Variants in CCDC110 observed in about 807,000 individuals in gnomAD.
CCDC110 encodes the protein coiled-coil domain-containing protein 110.
Under a neutral mutation model 77.1 loss-of-function variants are expected in CCDC110, and 70 were observed. The observed-to-expected ratio is 0.91, with a 90% CI of 0.75 to 1.11. The LOEUF is 1.11. Among genes scored for constraint, CCDC110 ranks in the 50% least tolerant of loss-of-function variants. The pLI is 0.00. For synonymous variants in CCDC110, 295 were observed against 312.5 expected (o/e 0.94, Z 0.59); for missense variants, 868 against 942.9 (o/e 0.92, Z 1.04).
rs2095640298 is a variant in CCDC110, at chr4:185,458,741, G to GAGATAAT, written c.1845_1846insATTATCT (p.Leu616IlefsTer25). 6.2e-7 allele frequency: 1 copy of GAGATAAT among 1,607,884 alleles called. No homozygotes were observed. Among genetic ancestry groups the GAGATAAT allele is most frequent in the African/African-American group, 1.3e-5 (1 of 74,440 alleles). The stretch of plus-strand genomic sequence containing the variant: ...TTTGCCAATCTTTCTTTCTCTTTTA[G>GAGATAAT]CTGGATTATCTCTAGCTGGCTTTCT... On this transcript the variant is annotated frameshift_variant, in exon 6 of 7. Coordinates refer to ENST00000307588, the MANE Select transcript of CCDC110 (RefSeq NM_152775.4). LOFTEE classifies it high-confidence loss of function.
chr4:185,448,774 T>G (rs961223663), intron 6 of CCDC110, among the ~76,000 whole-genome samples: 11 of 152,138 alleles, frequency 7.2e-5, no homozygotes, highest in Admixed American at 2.6e-4. Flanking sequence ...AGATGGAACT[T>G]TGTGTGTGGG....
At position 185,458,850 on chromosome 4, in the gene CCDC110, C is replaced by T; in HGVS notation, c.1737G>A (p.Leu579=). 6.2e-7 allele frequency: 1 copy of T among 1,605,774 alleles called. No homozygotes were observed. The highest frequency in any genetic ancestry group is 8.5e-7 in the Non-Finnish European group (1 of 1,178,090). The change falls in exon 6 of 7, where the codon CTG becomes CTA. Residue 579 remains leucine, a synonymous_variant. Coordinates refer to ENST00000307588, the MANE Select transcript of CCDC110 (RefSeq NM_152775.4). ...IEMEAMKTNI[L]LIQDEKEMLE... Reference sequence around the variant, plus strand: ...ACATTTCTTTTTCATCTTGTATCAACAGAATATTGGTTTTCATTGCTTCCA... The same window carrying T: ...ACATTTCTTTTTCATCTTGTATCAATAGAATATTGGTTTTCATTGCTTCCA...
At chr4:185,466,714 T>G (rs1001730974) in intron 2 of CCDC110, among the ~76,000 whole-genome samples, 5 of 151,796 alleles carry the variant, frequency 3.3e-5, no homozygotes, top group African/African-American at 1.2e-4. Flanking sequence ...GGACCACAGG[T>G]GTGTGCCACC....
chr4:185,450,107 A>G (rs889772063), intron 6 of CCDC110, among the ~76,000 whole-genome samples: 1 of 152,210 alleles, frequency 6.6e-6, no homozygotes, highest in African/African-American at 2.4e-5. Context: ...TGTTAGATCC[A>G]TTTATATTAT....
At position 185,458,065 on chromosome 4, in the gene CCDC110, G is replaced by C. The variant is rs1288580160; in HGVS notation, c.2461+61C>G. The C allele has an allele frequency of 4.3e-6, 5 of 1,153,244 alleles. No individual in the cohort carries two copies. The African/African-American group carries it at 4.8e-5, about 11-fold the overall frequency. The allele number at this position is 1,153,244 out of a possible 1,614,324, so 71.4% of individuals were successfully genotyped here. On this transcript the variant is annotated intron_variant, in intron 6 of 6. Transcript: ENST00000307588. ...TTCCTCCTTATTTCTGTACTCTGTAGTGCCCAATAGGCTAAAAGAATCTTA... is the reference window on the plus strand; with the variant it reads ...TTCCTCCTTATTTCTGTACTCTGTACTGCCCAATAGGCTAAAAGAATCTTA...
intron 1 of CCDC110, 200 bp downstream of exon 1, chr4:185,471,474 G>A: frequency 1.9e-6 from 1 of 538,644 alleles, no homozygotes; most frequent in Admixed American, 4.3e-5. Flanking sequence ...AGACCACGTA[G>A]CCAGCCTGTA....
At position 185,458,240 on chromosome 4, in the gene CCDC110, T is replaced by C. The variant is rs747232983; in HGVS notation, c.2347A>G (p.Asn783Asp). Residue 783 changes from asparagine to aspartate, a missense_variant, in exon 6 of 7, where the codon AAT becomes GAT. Asn to Asp is a conservative substitution (Grantham distance 23). Coordinates refer to ENST00000307588, the MANE Select transcript of CCDC110 (RefSeq NM_152775.4). ...ATGTAAGTTGTTTTTGAAGGGTCAT[T>C]ATGCTGATTACAAATTTTATCACTT... ...SLSDKICNQH[N>D]DPSKTTYISR... 6.2e-7 allele frequency: 1 copy of C among 1,602,770 alleles called. No individual in the cohort carries two copies. Among genetic ancestry groups the C allele is most frequent in the Admixed American group, 1.8e-5 (1 of 56,544 alleles).
chr4:185,458,883 A>G lies in CCDC110; in HGVS notation c.1704T>C (p.Ser568=), dbSNP rs764313212. The change falls in exon 6 of 7, where the codon AGT becomes AGC. Residue 568 remains serine, a synonymous_variant. Transcript: ENST00000307588. ...AIVNNENNRM[S]IEMEAMKTNI... ...TGGTTTTCATTGCTTCCATTTCTAT[A>G]CTCATTCGATTATTTTCATTATTTA... 1.2e-6 allele frequency: 2 copies of G among 1,605,432 alleles called. No homozygotes were observed. The highest frequency in any genetic ancestry group is 1.7e-6 in the Non-Finnish European group (2 of 1,178,098).
At chr4:185,467,437 C>T (rs1208134480) in intron 2 of CCDC110, among the ~76,000 whole-genome samples, 3 of 152,040 alleles carry the variant, frequency 2.0e-5, no homozygotes, top group African/African-American at 4.8e-5. Flanking sequence ...TCAAAGAACC[C>T]AGGAGATAAA....
At position 185,459,728 on chromosome 4, in the gene CCDC110, G is replaced by A; in HGVS notation, c.859C>T (p.His287Tyr). 1 of 1,613,562 alleles carries A rather than the reference G, an allele frequency of 6.2e-7. No homozygotes were observed. Among genetic ancestry groups the A allele is most frequent in the African/African-American group, 1.3e-5 (1 of 75,032 alleles). The change falls in exon 6 of 7, where the codon CAC becomes TAC. Residue 287 changes from histidine (H) to tyrosine (Y), a missense_variant. His to Tyr is a moderately conservative substitution (Grantham distance 83, BLOSUM62 2). Transcript: ENST00000307588. ...RNGKYDMSPI[H>Y]QDKMNFIKEE... ...TTAATAAAGTTCATTTTATCCTGGT[G>A]AATAGGGGACATGTCATATTTACCA... is the stretch of plus-strand genomic sequence containing the variant.
Position 185,458,807 on chromosome 4 carries a change from G to A in CCDC110, c.1780C>T (p.Gln594Ter), listed in dbSNP as rs768425457. ...EKEMLEKKTH[Q>*]LLKEKSSLGN... ...AGTGAGCTTTTTTCTTTTAGAAGCT[G>A]GTGTGTTTTTTTCTCTAACATTTCT... Residue 594 changes from glutamine to a stop codon, truncating the protein, a stop_gained, in exon 6 of 7, where the codon CAG becomes TAG. Transcript: ENST00000307588. LOFTEE classifies it high-confidence loss of function. The A allele has an allele frequency of 3.7e-6, 6 of 1,608,890 alleles. No individual in the cohort carries two copies. The highest frequency in any genetic ancestry group is 5.1e-6 in the Non-Finnish European group (6 of 1,178,706).
At chr4:185,467,243 C>T (rs1240654709) in intron 2 of CCDC110, among the ~76,000 whole-genome samples, 3 of 152,242 alleles carry the variant, frequency 2.0e-5, no homozygotes, top group Non-Finnish European at 4.4e-5. Flanking sequence ...TGATTCTGCA[C>T]AGGCAGAGAG....
chr4:185,462,625 A>C lies in CCDC110; in HGVS notation c.237+18T>G. On this transcript the variant is annotated intron_variant, in intron 4 of 6. Transcript: ENST00000307588. ...CTTCAAGGTGAGATATTTCATATAT[A>C]GATCAAAAGAAACATACCATGCTGA... The C allele has an allele frequency of 6.3e-7, 1 of 1,594,588 alleles. No individual in the cohort carries two copies. Among genetic ancestry groups the C allele is most frequent in the South Asian group, 1.1e-5 (1 of 90,690 alleles).
At chr4:185,466,796 G>T (rs1406180413) in intron 2 of CCDC110, among the ~76,000 whole-genome samples, 3 of 151,934 alleles carry the variant, frequency 2.0e-5, no homozygotes, top group African/African-American at 7.3e-5. Context: ...TTTGCTGCTG[G>T]AATCACATAG....
At chr4:185,457,256 G>A (rs1434575396) in intron 6 of CCDC110, 4 of 456,120 alleles carry the variant, frequency 8.8e-6, no homozygotes, top group Non-Finnish European at 1.8e-5. Context: ...GCACAGAACA[G>A]GTGTGCTTGC....
intron 6 of CCDC110, among the ~76,000 whole-genome samples, chr4:185,456,150 T>TCATAGAG: frequency 6.6e-6 from 1 of 151,312 alleles, no homozygotes; most frequent in Non-Finnish European, 1.5e-5. Context: ...TTAAAAAAGA[T>TCATAGAG]TATGTTCTCT....
intron 6 of CCDC110, among the ~76,000 whole-genome samples, chr4:185,450,549 C>T (rs10031973): frequency 0.055 from 8,424 of 152,124 alleles, 771 homozygotes; most frequent in African/African-American, 0.19. Context: ...GAGTTCGAGA[C>T]CAGCCTGCCC....
At position 185,458,137 on chromosome 4, in the gene CCDC110, G is replaced by A. The variant is rs9683564; in HGVS notation, c.2450C>T (p.Ser817Leu). Residue 817 changes from serine (S) to leucine (L), a missense_variant, in exon 6 of 7, where the codon TCG (serine) becomes TTG (leucine). Coordinates refer to ENST00000307588, the MANE Select transcript of CCDC110 (RefSeq NM_152775.4). The part of the protein sequence containing the change: ...TSSPQSRPLA[S>L]DLKGYFKVKD... The stretch of plus-strand genomic sequence containing the variant: ...CAGGACTTGCGTACCTTTCAAATCC[G>A]AAGCCAAAGGCCTACTCTGAGGACT... 7.7e-4 allele frequency: 1,196 copies of A among 1,548,922 alleles called. 8 individuals are homozygous for A. The African/African-American group carries it at 0.014, about 19-fold the overall frequency.
chr4:185,455,894 ATAT>A (rs1462686310), intron 6 of CCDC110, among the ~76,000 whole-genome samples: 3 of 151,880 alleles, frequency 2.0e-5, no homozygotes. Context: ...CAAAAAAAAA[ATAT>A]TAATAATAAA....
Sources: gnomAD v4.1 joint callset for allele counts (sites outside exome capture counted in the v4.1 genomes callset) on GRCh38, gnomAD v4.1.1 for gene constraint, MANE v1.5 for transcripts, NCBI Gene and HGNC (gene_info 2026-07-23, HGNC 2026-07-21) for gene names.